The following TARBP1 variants were observed in gnomAD, a reference collection of about 807,000 sequenced individuals.
The protein encoded by TARBP1 is tRNA guanosine 2 -O-methyltransferase TARBP1.
Under a neutral mutation model 178.6 loss-of-function variants are expected in TARBP1, and 144 were observed. The observed-to-expected ratio is 0.81, with a 90% CI of 0.70 to 0.93. TARBP1 has a LOEUF of 0.93. Among genes scored for constraint, TARBP1 ranks in the 40% least tolerant of loss-of-function variants. TARBP1 has a pLI of 0.00. For synonymous variants in TARBP1, 787 were observed against 781.0 expected, an observed-to-expected ratio of 1.01 and a Z score of -0.13; for missense variants, 2,067 against 2,011.7, an observed-to-expected ratio of 1.03 and a Z score of -0.53.
intron 6 of TARBP1, among the ~76,000 whole-genome samples, chr1:234,462,864 A>G (rs182282985): frequency 4.6e-5 from 7 of 152,336 alleles, no homozygotes; most frequent in Admixed American, 1.3e-4. Context: ...ACCATTGGCC[A>G]TCTTGTCATC....
intron 4 of TARBP1, 85 bp from the exon 5 acceptor site, chr1:234,465,793 T>A: frequency 8.1e-7 from 1 of 1,240,462 alleles, no homozygotes; most frequent in Non-Finnish European, 1.1e-6. Context: ...TTGAACATCC[T>A]ACACAGGCTT....
At chr1:234,473,477 A>G (rs566190896) in intron 1 of TARBP1, among the ~76,000 whole-genome samples, 2 of 152,332 alleles carry the variant, frequency 1.3e-5, no homozygotes, top group African/African-American at 2.4e-5. Context: ...AGTCCTACTG[A>G]CAAAGGGGAT....
At chr1:234,421,166 G>A (rs1663044787) in intron 20 of TARBP1, among the ~76,000 whole-genome samples, 1 of 152,128 alleles carries the variant, frequency 6.6e-6, no homozygotes, top group African/African-American at 2.4e-5. Flanking sequence ...TCAGCTCACT[G>A]CAACCTCCGC....
intron 9 of TARBP1, among the ~76,000 whole-genome samples, chr1:234,453,390 A>G (rs966211451): frequency 6.8e-5 from 10 of 148,100 alleles, no homozygotes; most frequent in African/African-American, 2.0e-4. Flanking sequence ...GGGTCTCGCT[A>G]TGTTACCGAG....
chr1:234,450,086 A>G (rs1666590553), intron 10 of TARBP1, among the ~76,000 whole-genome samples: 1 of 152,170 alleles, frequency 6.6e-6, no homozygotes, highest in Non-Finnish European at 1.5e-5. Flanking sequence ...TATTTCCACT[A>G]CAGAGGCTCC....
chr1:234,458,138 G>A (rs1050586945), intron 8 of TARBP1, among the ~76,000 whole-genome samples: 2 of 152,178 alleles, frequency 1.3e-5, no homozygotes, highest in Non-Finnish European at 2.9e-5. Flanking sequence ...GAGGTCAGGA[G>A]TTCGAGACCA....
intron 1 of TARBP1, among the ~76,000 whole-genome samples, chr1:234,474,908 G>A (rs114399751): frequency 2.4e-3 from 366 of 152,254 alleles, no homozygotes; most frequent in Non-Finnish European, 3.9e-3. Flanking sequence ...CAGAACTGAG[G>A]TCACAATGCA....
chr1:234,418,254 T>C (rs770385319), intron 21 of TARBP1, 21 bp from the exon 22 acceptor site: 1 of 1,538,542 alleles, frequency 6.5e-7, no homozygotes, highest in Non-Finnish European at 8.7e-7. Flanking sequence ...AAGTTCACAA[T>C]TAACCAGTTA....
chr1:234,451,888 T>A (rs1298977254), intron 9 of TARBP1, among the ~76,000 whole-genome samples: 1 of 151,778 alleles, frequency 6.6e-6, no homozygotes, highest in Non-Finnish European at 1.5e-5. Flanking sequence ...AGTCGGATAA[T>A]CTTAAGATAT....
At chr1:234,457,604 AT>A in intron 9 of TARBP1, 62 bp downstream of exon 9, 4 of 1,129,740 alleles carry the variant, frequency 3.5e-6, no homozygotes, top group Non-Finnish European at 3.8e-6. Context: ...CTACTAAGAA[AT>A]TCATTAAGAA....
rs190205796 is a variant in TARBP1 at position 234,393,762 on chromosome 1, C to T, written c.4319G>A (p.Arg1440His). The change falls in exon 27 of 30, where the codon CGT (arginine) becomes CAT (histidine). Residue 1440 changes from arginine to histidine, a missense_variant. Arg to His is a conservative substitution (Grantham distance 29). Transcript: ENST00000040877. ...VQKKIIPWNS[R>H]VSDLDLELLF... ...GAGCTCCAGGTCTAAGTCGGAAACA[C>T]GACTGTTCCACGGGATAATCTTCTT... 5.4e-5 allele frequency: 87 copies of T among 1,614,014 alleles called. No individual in the cohort carries two copies. The East Asian group carries it at 1.7e-3, about 32-fold the overall frequency.
Position 234,401,244 on chromosome 1 carries a change from C to A in TARBP1, c.4008G>T (p.Trp1336Cys). 2 of 1,613,190 alleles carry A rather than the reference C, an allele frequency of 1.2e-6. No individual in the cohort carries two copies. The highest frequency in any genetic ancestry group is 1.3e-5 in the African/African-American group (1 of 75,008). Reference protein sequence around the residue: ...MHGAGNAKKNWQRIQEHFFFA... With the variant: ...MHGAGNAKKNCQRIQEHFFFA... ...AAAAGAAATGCTCCTGAATGCGTTG[C>A]CAATTCTTCTTGGCATTCCTAAGGA... is the stretch of plus-strand genomic sequence containing the variant. Residue 1336 changes from tryptophan to cysteine, a missense_variant, in exon 25 of 30, where the codon TGG becomes TGT. By Grantham distance (215) the Trp-to-Cys change is radical (BLOSUM62 -2). Coordinates refer to ENST00000040877, the MANE Select transcript of TARBP1 (RefSeq NM_005646.4).
At chr1:234,431,535 T>C (rs1664429393) in intron 14 of TARBP1, among the ~76,000 whole-genome samples, 1 of 152,244 alleles carries the variant, frequency 6.6e-6, no homozygotes, top group African/African-American at 2.4e-5. Flanking sequence ...TTTGTTTTTC[T>C]TAGTAGCCTG....
chr1:234,441,473 G>A (rs1055884224), intron 12 of TARBP1, among the ~76,000 whole-genome samples: 2 of 152,162 alleles, frequency 1.3e-5, no homozygotes. Context: ...TAAACACTTA[G>A]ATCAAAAGAA....
At chr1:234,448,657 T>C (rs1558224106) in intron 10 of TARBP1, 78 bp from the exon 11 acceptor site, 3 of 1,023,392 alleles carry the variant, frequency 2.9e-6, no homozygotes, top group South Asian at 1.4e-5. Flanking sequence ...ACCCACTAAA[T>C]GATTATGCCT....
chr1:234,427,470 T>C, intron 18 of TARBP1, 82 bp from the exon 19 acceptor site: 1 of 1,442,412 alleles, frequency 6.9e-7, no homozygotes, highest in Non-Finnish European at 9.4e-7. Flanking sequence ...AGTTAACTAA[T>C]AATTTATATT....
At chr1:234,440,121 A>G (rs1005400491) in intron 12 of TARBP1, among the ~76,000 whole-genome samples, 1 of 152,232 alleles carries the variant, frequency 6.6e-6, no homozygotes, top group Non-Finnish European at 1.5e-5. Flanking sequence ...TTCATGGGTC[A>G]AAGAGAAAGC....
In TARBP1 at chr1:234,398,446, C is replaced by G. The variant is rs751276448; in HGVS notation, c.4179G>C (p.Gln1393His). 4 of 1,612,086 alleles carry G rather than the reference C, an allele frequency of 2.5e-6. No homozygotes were observed. The South Asian group carries it at 4.4e-5, about 18-fold the overall frequency. The change falls in exon 26 of 30, where the codon CAG becomes CAC. Residue 1393 changes from glutamine to histidine, a missense_variant. Transcript: ENST00000040877. ...FTDVPLAAGF[Q>H]WYLSQTQLSK... Reference sequence around the variant, plus strand: ...TAAGTTGAGTTTGAGAAAGGTACCACTGAAATCCCGCAGCTAAAGGAACAT... The same window carrying G: ...TAAGTTGAGTTTGAGAAAGGTACCAGTGAAATCCCGCAGCTAAAGGAACAT...
intron 3 of TARBP1, among the ~76,000 whole-genome samples, chr1:234,469,182 C>A (rs1296065920): frequency 1.4e-5 from 2 of 147,842 alleles, no homozygotes; most frequent in Non-Finnish European, 3.0e-5. Context: ...AATGAGTGAG[C>A]AAATCAAAAC....
Sources: gnomAD v4.1 joint callset for allele counts (sites outside exome capture counted in the v4.1 genomes callset) on GRCh38, gnomAD v4.1.1 for gene constraint, MANE v1.5 for transcripts, NCBI Gene and HGNC (gene_info 2026-07-23, HGNC 2026-07-21) for gene names.